ATXN2L: variants seen among roughly 807,000 people sequenced by gnomAD.
ATXN2L encodes ataxin 2 like, also known as ataxin-2-like protein.
Under a neutral mutation model 120.7 loss-of-function variants are expected in ATXN2L, and 24 were observed. The observed-to-expected ratio is 0.20, with a 90% CI of 0.14 to 0.28. The LOEUF is 0.28. Among genes scored for constraint, ATXN2L ranks in the 10% least tolerant of loss-of-function variants. The probability of loss-of-function intolerance (pLI) is 1.00; values close to 1 mark genes in which losing one functional copy is unlikely to be tolerated. For synonymous variants in ATXN2L, 653 were observed against 568.1 expected, an observed-to-expected ratio of 1.15 and a Z score of -2.13; for missense variants, 1,312 against 1,432.3, an observed-to-expected ratio of 0.92 and a Z score of 1.36.
In ATXN2L at chr16:28,834,335, A is replaced by T; in HGVS notation, c.2173-8A>T. 1 of 1,613,798 alleles carries T rather than the reference A, an allele frequency of 6.2e-7. No individual in the cohort carries two copies. On this transcript the variant is annotated splice_region_variant and splice_polypyrimidine_tract_variant and intron_variant, in intron 16 of 21. Transcript: ENST00000336783. ...GTCATTCAGCCTCATCTGTGTCCTC[A>T]TCCCCAGGCACCTCAGATGTATCCA...
At chr16:28,828,247 A>T (rs1287391123) in intron 6 of ATXN2L, among the ~76,000 whole-genome samples, 1 of 152,170 alleles carries the variant, frequency 6.6e-6, no homozygotes, top group Non-Finnish European at 1.5e-5. Context: ...ATGACTTTTC[A>T]GGTTTACTAG....
chr16:28,834,935 T>A, intron 18 of ATXN2L, 123 bp from the exon 19 acceptor site: 1 of 1,346,476 alleles, frequency 7.4e-7, no homozygotes, highest in Non-Finnish European at 1.0e-6. Flanking sequence ...GGGATCGTTA[T>A]GAATGTTGAA....
chr16:28,824,551 C>T (rs1287731674), intron 1 of ATXN2L: 3 of 1,286,166 alleles, frequency 2.3e-6, no homozygotes, highest in Non-Finnish European at 3.0e-6. Flanking sequence ...GAGTGGGTAA[C>T]GGGCTGAATG....
Position 28,833,050 on chromosome 16 carries a change from C to G in ATXN2L, c.1660-9C>G, listed in dbSNP as rs757942959. The stretch of plus-strand genomic sequence containing the variant: ...GTCAGACTGGACTGTGTGTGTTTCT[C>G]TCTTCCAGCTTCAGCCCAGTAGCTC... On this transcript the variant is annotated splice_polypyrimidine_tract_variant and intron_variant, in intron 13 of 21. Transcript: ENST00000336783. The G allele has an allele frequency of 5.0e-6, 8 of 1,612,642 alleles. No homozygotes were observed. In the East Asian group the frequency reaches 8.9e-5, roughly 18 times the overall value.
At position 28,836,363 on chromosome 16, in the gene ATXN2L, G is replaced by C. The variant is rs762464256; in HGVS notation, c.*98G>C. On this transcript the variant is annotated 3_prime_UTR_variant, in exon 22 of 22. Coordinates refer to ENST00000336783, the MANE Select transcript of ATXN2L (RefSeq NM_007245.4). ...GCAGAAGCCACAGTCGCCGCCGCCA[G>C]GGGCTTGCTCCTGGCTCTGTCCTTT... 6.2e-7 allele frequency: 1 copy of C among 1,613,490 alleles called. No individual in the cohort carries two copies. The highest frequency in any genetic ancestry group is 8.5e-7 in the Non-Finnish European group (1 of 1,179,918).
chr16:28,831,111 A>G, intron 10 of ATXN2L, 39 bp downstream of exon 10: 1 of 1,372,748 alleles, frequency 7.3e-7, no homozygotes, highest in East Asian at 2.4e-5. Flanking sequence ...AATGGATGGA[A>G]ATTTGTAAAG....
rs1277863351 is a variant in ATXN2L, at chr16:28,830,950, AAAACC to A, written c.1211-7_1211-3del. 4.5e-6 allele frequency: 7 copies of A among 1,548,150 alleles called. No individual in the cohort carries two copies. The highest frequency in any genetic ancestry group is 6.1e-6 in the Non-Finnish European group (7 of 1,156,040). On this transcript the variant is annotated splice_region_variant and splice_polypyrimidine_tract_variant and intron_variant, in intron 9 of 21. Transcript: ENST00000336783. Reference sequence around the variant, plus strand: ...CATTTTCTTCTCAAAAAAAAAAAAAAAAACCAAACAGGCCCTTCCCGCATGTCCCC... The same window carrying A: ...CATTTTCTTCTCAAAAAAAAAAAAAAAAACAGGCCCTTCCCGCATGTCCCC...
intron 10 of ATXN2L, among the ~76,000 whole-genome samples, 197 bp downstream of exon 10, chr16:28,831,269 G>GTTGTA (rs2054299818): frequency 6.6e-6 from 1 of 152,124 alleles, no homozygotes; most frequent in Non-Finnish European, 1.5e-5. Flanking sequence ...CATGGGTTGT[G>GTTGTA]TCTGCTTGGC....
rs2050243871 is a variant in ATXN2L, at chr16:28,823,243, T to A, written c.-17T>A. 1 of 1,394,996 alleles carries A rather than the reference T, an allele frequency of 7.2e-7. No homozygotes were observed. Among genetic ancestry groups the A allele is most frequent in the Non-Finnish European group, 9.4e-7 (1 of 1,065,258 alleles). The allele number at this position is 1,394,996 out of a possible 1,614,324, so 86.4% of individuals were successfully genotyped here. A position where few individuals can be genotyped will look rare whatever the true frequency, so the allele number is the denominator to read the frequency against. On this transcript the variant is annotated 5_prime_UTR_variant, in exon 1 of 22. Transcript: ENST00000336783. ...CTCCCTCCCTTCTCTCTAATTCCCC[T>A]TCCGGACGCTGCCATCATGTTGAAG...
rs547556533 is a variant in ATXN2L at position 28,830,512 on chromosome 16, A to G, written c.1035-103A>G. 1.4e-5 allele frequency: 16 copies of G among 1,117,162 alleles called. No homozygotes were observed. The African/African-American group carries it at 2.2e-4, about 15-fold the overall frequency. 69.2% of individuals were successfully genotyped at this position (1,117,162 alleles called of 1,614,324 possible). On this transcript the variant is annotated intron_variant, in intron 8 of 21. Coordinates refer to ENST00000336783, the MANE Select transcript of ATXN2L (RefSeq NM_007245.4). ...GGTGCTGGAGCCAGGCAGTGTGTGT[A>G]TGTTTGGGGGCAGAAGGGGGAGACT...
Position 28,823,138 on chromosome 16 carries a change from C to T in ATXN2L, c.-122C>T. The T allele has an allele frequency of 1.9e-6, 1 of 539,614 alleles. No homozygotes were observed. The highest frequency in any genetic ancestry group is 2.8e-6 in the Non-Finnish European group (1 of 356,366). 33.4% of individuals were successfully genotyped at this position (539,614 alleles called of 1,614,324 possible). A position where few individuals can be genotyped will look rare whatever the true frequency, so the allele number is the denominator to read the frequency against. On this transcript the variant is annotated 5_prime_UTR_variant, in exon 1 of 22. Coordinates refer to ENST00000336783, the MANE Select transcript of ATXN2L (RefSeq NM_007245.4). ...CCCCGACACCGCGGGGCTCCCCCCG[C>T]CCGCCCACGGCGGGCCCCGGCTGCC...
chr16:28,834,427 T>G lies in ATXN2L; in HGVS notation c.2245+12T>G, dbSNP rs758416230. On this transcript the variant is annotated intron_variant, in intron 17 of 21. Transcript: ENST00000336783. ...CCGGGGAGCAAAAGGTGAGCAGGGC[T>G]GGGAGGGGCAGGCGGCGAGGCTGCC... The G allele has an allele frequency of 3.7e-6, 6 of 1,613,812 alleles. No individual in the cohort carries two copies. Among genetic ancestry groups the G allele is most frequent in the South Asian group, 1.1e-5 (1 of 91,084 alleles).
chr16:28,824,508 A>G, intron 1 of ATXN2L: 1 of 1,288,176 alleles, frequency 7.8e-7, no homozygotes, highest in Non-Finnish European at 1.0e-6. Flanking sequence ...GCCAGCGACG[A>G]GCAGGGTTAC....
At chr16:28,833,537 T>C (rs757771197) in intron 15 of ATXN2L, 29 bp downstream of exon 15, 6 of 1,611,370 alleles carry the variant, frequency 3.7e-6, no homozygotes, top group African/African-American at 1.3e-5. Flanking sequence ...ATGTGGACTT[T>C]GGTTTCTGTG....
chr16:28,830,346 T>C (rs1251378273), intron 8 of ATXN2L, among the ~76,000 whole-genome samples: 1 of 152,184 alleles, frequency 6.6e-6, no homozygotes, highest in Non-Finnish European at 1.5e-5. Flanking sequence ...GGAACTACGG[T>C]GTGATCCTAC....
chr16:28,825,414 C>T lies in ATXN2L; in HGVS notation c.336+12C>T, dbSNP rs1409695535. Reference sequence around the variant, plus strand: ...CCCCACAGTCACCTGTGAGTGTCTTCTCCCACCCTGTTTAAGATACATAGA... The same window carrying T: ...CCCCACAGTCACCTGTGAGTGTCTTTTCCCACCCTGTTTAAGATACATAGA... On this transcript the variant is annotated intron_variant, in intron 2 of 21. Coordinates refer to ENST00000336783, the MANE Select transcript of ATXN2L (RefSeq NM_007245.4). 8.7e-6 allele frequency: 14 copies of T among 1,613,142 alleles called. No homozygotes were observed. The highest frequency in any genetic ancestry group is 1.0e-5 in the Non-Finnish European group (12 of 1,179,474).
At chr16:28,825,581 G>T in intron 2 of ATXN2L, 43 bp from the exon 3 acceptor site, 2 of 1,597,366 alleles carry the variant, frequency 1.3e-6, no homozygotes, top group Non-Finnish European at 1.7e-6. Flanking sequence ...ATGAGGTGTT[G>T]ACTGATTACT....
chr16:28,829,164 G>A (rs950229455), intron 6 of ATXN2L, among the ~76,000 whole-genome samples: 8 of 152,070 alleles, frequency 5.3e-5, no homozygotes, highest in Admixed American at 2.6e-4. Context: ...CACCACACCC[G>A]GCTGTTTCAT....
intron 6 of ATXN2L, among the ~76,000 whole-genome samples, chr16:28,827,765 T>C (rs1383551803): frequency 2.0e-5 from 3 of 152,008 alleles, no homozygotes; most frequent in South Asian, 4.1e-4. Flanking sequence ...CGCTCATGAA[T>C]AGAGCTGAGC....
Sources: allele counts gnomAD v4.1 joint callset (sites outside exome capture counted in the v4.1 genomes callset), GRCh38; gene constraint gnomAD v4.1.1; transcripts MANE v1.5; gene names NCBI Gene and HGNC (gene_info 2026-07-23, HGNC 2026-07-21).